Variants in PAPPA2 observed in about 807,000 individuals in gnomAD.
The protein encoded by PAPPA2 is pappalysin-2.
A neutral mutation model predicts 176.4 loss-of-function variants in PAPPA2; 86 were observed. The ratio of observed to expected loss-of-function variants is 0.49; its 90% confidence interval spans 0.41 to 0.58. The LOEUF (loss-of-function observed/expected upper bound fraction) is 0.58, where lower values mean the gene tolerates loss of function less well. Among genes scored for constraint, PAPPA2 ranks in the 20% least tolerant of loss-of-function variants. PAPPA2 has a pLI of 0.00. For missense variants in PAPPA2, 2,073 were observed against 2,256.9 expected (o/e 0.92, Z 1.65); for synonymous variants, 809 against 852.2 (o/e 0.95, Z 0.88).
intron 4 of PAPPA2, among the ~76,000 whole-genome samples, chr1:176,674,735 T>C (rs761683610): frequency 2.2e-3 from 237 of 106,564 alleles, no homozygotes; most frequent in Non-Finnish European, 4.3e-3. Context: ...TGTGCAAGTG[T>C]TTTTTTTTTT....
intron 1 of PAPPA2, among the ~76,000 whole-genome samples, chr1:176,495,332 G>A (rs1647544413): frequency 6.6e-6 from 1 of 152,050 alleles, no homozygotes; most frequent in South Asian, 2.1e-4. Flanking sequence ...CCTAAGGTCA[G>A]GAGTTCGAGA....
intron 3 of PAPPA2, among the ~76,000 whole-genome samples, chr1:176,637,777 T>G (rs1303816638): frequency 6.6e-6 from 1 of 152,178 alleles, no homozygotes; most frequent in Non-Finnish European, 1.5e-5. Flanking sequence ...GTGGCCTTTC[T>G]GTATTACGAA....
At chr1:176,812,225 G>A (rs936169357) in intron 21 of PAPPA2, among the ~76,000 whole-genome samples, 1 of 150,724 alleles carries the variant, frequency 6.6e-6, no homozygotes, top group African/African-American at 2.4e-5. Context: ...TTTTTTTGGG[G>A]GGAGGGTTCT....
intron 16 of PAPPA2, among the ~76,000 whole-genome samples, chr1:176,770,062 A>G (rs1253625946): frequency 6.6e-6 from 1 of 152,188 alleles, no homozygotes; most frequent in Non-Finnish European, 1.5e-5. Flanking sequence ...GCCTACTGGA[A>G]TGGTTGTCCT....
chr1:176,650,683 T>A (rs1211956330), intron 3 of PAPPA2, among the ~76,000 whole-genome samples: 2 of 151,696 alleles, frequency 1.3e-5, no homozygotes, highest in East Asian at 3.9e-4. Flanking sequence ...TGTCTTTTAA[T>A]TGTAGAATTG....
At chr1:176,683,523 G>T (rs995457810) in intron 4 of PAPPA2, among the ~76,000 whole-genome samples, 3 of 152,100 alleles carry the variant, frequency 2.0e-5, no homozygotes, top group African/African-American at 7.2e-5. Flanking sequence ...TTTCTATTTT[G>T]AGCCCCCATG....
intron 3 of PAPPA2, among the ~76,000 whole-genome samples, chr1:176,669,930 A>G (rs1658889690): frequency 6.6e-6 from 1 of 152,152 alleles, no homozygotes; most frequent in Non-Finnish European, 1.5e-5. Context: ...GCATCAACAA[A>G]GCATAATCAG....
chr1:176,706,401 A>T lies in PAPPA2; in HGVS notation c.3408A>T (p.Gly1136=). 2 of 1,613,844 alleles carry T rather than the reference A, an allele frequency of 1.2e-6. No homozygotes were observed. The highest frequency in any genetic ancestry group is 1.7e-6 in the Non-Finnish European group (2 of 1,179,814). The change falls in exon 10 of 23, where the codon GGA becomes GGT. Residue 1136 remains glycine, a synonymous_variant. Transcript: ENST00000367662. The part of the protein sequence containing the change: ...EECDDGDLVS[G]DGCSKVCELE... ...GTGATGATGGAGACCTTGTGAGCGG[A>T]GATGGCTGCTCCAAGGTGTGTGAGC...
rs199759125 is a variant in PAPPA2 at position 176,490,143 on chromosome 1, C to CT, written c.-917+26738dup. 8.3e-3 allele frequency among the ~76,000 whole-genome samples: 1,155 copies of CT among 139,886 alleles called. 8 individuals carry two copies. The highest frequency in any genetic ancestry group is 0.02 in the African/African-American group (751 of 38,320). The allele number at this position is 139,886 out of a possible 152,430, so 91.8% of individuals were successfully genotyped here. ...AAGAAGCAAAGTTTCTTTTAAGTGT[C>CT]TTTTTTTTTTTTTGCTTTGGTTCTC... On this transcript the variant is annotated intron_variant, in intron 1 of 22. Coordinates refer to ENST00000367662, the MANE Select transcript of PAPPA2 (RefSeq NM_020318.3).
At chr1:176,558,161 A>G (rs1651438751) in intron 2 of PAPPA2, among the ~76,000 whole-genome samples, 1 of 152,210 alleles carries the variant, frequency 6.6e-6, no homozygotes, top group Admixed American at 6.5e-5. Context: ...TGAATTCCCC[A>G]TGACAGAACC....
rs1372029990 is a variant in PAPPA2 at position 176,844,334 on chromosome 1, A to T, written c.*1880A>T. 1.3e-5 allele frequency: 2 copies of T among 152,158 alleles called. No homozygotes were observed. Among genetic ancestry groups the T allele is most frequent in the Non-Finnish European group, 2.9e-5 (2 of 68,012 alleles). 9.4% of individuals were successfully genotyped at this position (152,158 alleles called of 1,614,324 possible). Reference sequence around the variant, plus strand: ...CAATGGCTGTGCAAATAGGAATAGGAAATACTACCACAATGATAGAAATAT... The same window carrying T: ...CAATGGCTGTGCAAATAGGAATAGGTAATACTACCACAATGATAGAAATAT... On this transcript the variant is annotated 3_prime_UTR_variant, in exon 23 of 23. Coordinates refer to ENST00000367662, the MANE Select transcript of PAPPA2 (RefSeq NM_020318.3).
intron 4 of PAPPA2, among the ~76,000 whole-genome samples, chr1:176,683,879 G>T (rs1026306978): frequency 6.6e-6 from 1 of 152,076 alleles, no homozygotes; most frequent in Admixed American, 6.6e-5. Flanking sequence ...TTCCCAGCTC[G>T]AAAGTCAAGG....
At chr1:176,573,900 G>A (rs535100432) in intron 2 of PAPPA2, among the ~76,000 whole-genome samples, 4 of 152,170 alleles carry the variant, frequency 2.6e-5, no homozygotes, top group South Asian at 4.1e-4. Flanking sequence ...AACTGTTCTC[G>A]TTGTGGAGAG....
intron 3 of PAPPA2, among the ~76,000 whole-genome samples, chr1:176,650,734 C>T (rs1001674691): frequency 4.0e-5 from 6 of 150,780 alleles, no homozygotes; most frequent in Admixed American, 4.0e-4. Context: ...GGACTTGCTA[C>T]TGCCATTTCT....
chr1:176,819,203 A>C (rs1666555267), intron 21 of PAPPA2, among the ~76,000 whole-genome samples: 1 of 152,210 alleles, frequency 6.6e-6, no homozygotes, highest in South Asian at 2.1e-4. Context: ...TGATCTTCAG[A>C]AGCCACTTGA....
Position 176,489,419 on chromosome 1 carries a change from A to G in PAPPA2, c.-917+26001A>G, listed in dbSNP as rs556677390. 5.9e-5 allele frequency among the ~76,000 whole-genome samples: 9 copies of G among 152,322 alleles called. No individual in the cohort carries two copies. The South Asian group carries it at 1.7e-3, about 28-fold the overall frequency. ...CAAATACCCTTTATGAATACTTTAT[A>G]GAAAGTAGATTTCACTCAGAAGTAA... On this transcript the variant is annotated intron_variant, in intron 1 of 22. Transcript: ENST00000367662.
intron 21 of PAPPA2, among the ~76,000 whole-genome samples, chr1:176,839,068 G>A (rs1667383968): frequency 6.6e-6 from 1 of 152,162 alleles, no homozygotes; most frequent in African/African-American, 2.4e-5. Context: ...AGGAGGGTCG[G>A]GGGAAGAGAA....
At position 176,789,997 on chromosome 1, in the gene PAPPA2, C is replaced by T. The variant is rs757191781; in HGVS notation, c.4884+20C>T. 1 of 1,611,218 alleles carries T rather than the reference C, an allele frequency of 6.2e-7. No homozygotes were observed. Among genetic ancestry groups the T allele is most frequent in the Non-Finnish European group, 8.5e-7 (1 of 1,177,908 alleles). ...GAAAAGGTAAGGAACATTTTTTGAA[C>T]TTATTTTCATCAGGCTGTGCTCTAA... On this transcript the variant is annotated intron_variant, in intron 18 of 22. Transcript: ENST00000367662.
intron 1 of PAPPA2, among the ~76,000 whole-genome samples, chr1:176,507,524 A>G (rs1459607668): frequency 6.6e-6 from 1 of 152,216 alleles, no homozygotes; most frequent in Non-Finnish European, 1.5e-5. Context: ...TAGCAAAGAC[A>G]TGGAATCAAG....
Sources: gnomAD v4.1 joint callset for allele counts (sites outside exome capture counted in the v4.1 genomes callset) on GRCh38, gnomAD v4.1.1 for gene constraint, MANE v1.5 for transcripts, NCBI Gene and HGNC (gene_info 2026-07-23, HGNC 2026-07-21) for gene names.